The following TIGD4 variants were observed in gnomAD, a reference collection of about 807,000 sequenced individuals.
TIGD4 encodes tigger transposable element-derived protein 4.
A neutral mutation model predicts 24.9 loss-of-function variants in TIGD4; 20 were observed. The ratio of observed to expected loss-of-function variants is 0.80; its 90% CI spans 0.56 to 1.17. TIGD4 has a LOEUF of 1.17. Among genes scored for constraint, TIGD4 ranks in the 50% most tolerant of loss-of-function variants. The pLI, the probability that TIGD4 is intolerant of heterozygous loss-of-function variation, is 0.00. For missense variants in TIGD4, 566 were observed against 591.0 expected (o/e 0.96, Z 0.44); for synonymous variants, 193 against 211.0 (o/e 0.91, Z 0.74).
chr4:152,772,346 TA>T (rs796536772), intron 1 of TIGD4, among the ~76,000 whole-genome samples: 4,294 of 144,444 alleles, frequency 0.03, 161 homozygotes, highest in African/African-American at 0.075. Flanking sequence ...TTTCTATCTG[TA>T]AAAAAAAAAA....
intron 1 of TIGD4, among the ~76,000 whole-genome samples, chr4:152,775,645 C>T (rs372471047): frequency 1.1e-4 from 16 of 152,206 alleles, no homozygotes; most frequent in African/African-American, 3.9e-4. Flanking sequence ...AACATTCCTC[C>T]TGTAGAGTCT....
chr4:152,770,460 A>G lies in TIGD4; in HGVS notation c.545T>C (p.Ile182Thr). ...TCGATAAAGCAGCCCAGTCTCTTTT[A>G]TATTAAAAACATTTTTAGGATGATA... ...NDYHPKNVFN[I>T]KETGLLYRML... The change falls in exon 2 of 2, where the codon ATA becomes ACA. Residue 182 changes from isoleucine (I) to threonine (T), a missense_variant. Ile to Thr is a moderately conservative substitution (Grantham distance 89). Coordinates refer to ENST00000304337, the MANE Select transcript of TIGD4 (RefSeq NM_145720.4). 6.2e-7 allele frequency: 1 copy of G among 1,608,692 alleles called. No homozygotes were observed. The highest frequency in any genetic ancestry group is 8.5e-7 in the Non-Finnish European group (1 of 1,178,446).
At chr4:152,773,940 C>T (rs910492928) in intron 1 of TIGD4, among the ~76,000 whole-genome samples, 12 of 152,038 alleles carry the variant, frequency 7.9e-5, no homozygotes, top group African/African-American at 2.7e-4. Flanking sequence ...TTTTCAAAGA[C>T]AAAACCAACC....
Position 152,771,544 on chromosome 4 carries a change from T to G in TIGD4, c.-538-2A>C, listed in dbSNP as rs990525482. 4 of 164,624 alleles carry G rather than the reference T, an allele frequency of 2.4e-5. No individual in the cohort carries two copies. Among genetic ancestry groups the G allele is most frequent in the African/African-American group, 9.6e-5 (4 of 41,456 alleles). 10.2% of individuals were successfully genotyped at this position (164,624 alleles called of 1,614,324 possible). A position where few individuals can be genotyped will look rare whatever the true frequency, so the allele number is the denominator to read the frequency against. On this transcript the variant is annotated splice_acceptor_variant, in intron 1 of 1. Transcript: ENST00000304337. LOFTEE classifies it low-confidence loss of function (5UTR_SPLICE). ...TAGAACTTGCCAGTATATCTTCTTCTGTTGTTTGAAAAATTAAAAAAAAAG... is the reference window on the plus strand; with the variant it reads ...TAGAACTTGCCAGTATATCTTCTTCGGTTGTTTGAAAAATTAAAAAAAAAG...
chr4:152,770,681 C>T lies in TIGD4; in HGVS notation c.324G>A (p.Pro108=), dbSNP rs763662632. 1.9e-5 allele frequency: 30 copies of T among 1,612,190 alleles called. 1 individual carries two copies. Among genetic ancestry groups the T allele is most frequent in the East Asian group, 1.6e-4 (7 of 44,874 alleles). The change falls in exon 2 of 2, where the codon CCG becomes CCA. Residue 108 remains proline, a synonymous_variant. Transcript: ENST00000304337. ...AATCATTAGCTTTTAGACGTAACATCGGACCATTAACTGGTACATTTAGAC... is the reference window on the plus strand; with the variant it reads ...AATCATTAGCTTTTAGACGTAACATTGGACCATTAACTGGTACATTTAGAC... ...AQCLNVPVNG[P]MLRLKANDFA...
Position 152,769,553 on chromosome 4 carries a change from T to G in TIGD4, c.1452A>C (p.Lys484Asn). ...EAITALDTLK[K>N]FLRSQDMNDG... The stretch of plus-strand genomic sequence containing the variant: ...CATTCATATCTTGACTTCTGAGAAA[T>G]TTTTTCAGAGTATCTAAAGCAGTTA... The change falls in exon 2 of 2, where the codon AAA (lysine) becomes AAC (asparagine). Residue 484 changes from lysine to asparagine, a missense_variant. Transcript: ENST00000304337. 6.2e-7 allele frequency: 1 copy of G among 1,605,214 alleles called. No homozygotes were observed. Among genetic ancestry groups the G allele is most frequent in the African/African-American group, 1.3e-5 (1 of 74,582 alleles).
At position 152,769,363 on chromosome 4, in the gene TIGD4, T is replaced by C; in HGVS notation, c.*103A>G. ...GCAATTAAACCAAGGATTAGCAGTT[T>C]TCCATTTTTTATGTTTAAGTGGTGT... On this transcript the variant is annotated 3_prime_UTR_variant, in exon 2 of 2. Transcript: ENST00000304337. 1 of 792,772 alleles carries C rather than the reference T, an allele frequency of 1.3e-6. No homozygotes were observed. The highest frequency in any genetic ancestry group is 4.3e-5 in the South Asian group (1 of 23,434). 49.1% of individuals were successfully genotyped at this position (792,772 alleles called of 1,614,324 possible).
intron 1 of TIGD4, among the ~76,000 whole-genome samples, chr4:152,779,233 AAAAG>A (rs977859356): frequency 4.6e-5 from 7 of 152,348 alleles, no homozygotes; most frequent in South Asian, 2.1e-4. Context: ...GTCATCCGGA[AAAAG>A]AAAGAGGAGC....
At chr4:152,776,409 A>G (rs1360334057) in intron 1 of TIGD4, among the ~76,000 whole-genome samples, 1 of 152,194 alleles carries the variant, frequency 6.6e-6, no homozygotes, top group Admixed American at 6.5e-5. Flanking sequence ...CAGTCATCTT[A>G]GAATAATGTT....
intron 1 of TIGD4, among the ~76,000 whole-genome samples, chr4:152,773,392 G>A (rs192182736): frequency 6.6e-6 from 1 of 152,058 alleles, no homozygotes; most frequent in Non-Finnish European, 1.5e-5. Flanking sequence ...GATAGCCCAG[G>A]GTTTTAGTTT....
chr4:152,774,693 T>C (rs1185184296), intron 1 of TIGD4, among the ~76,000 whole-genome samples: 2 of 152,114 alleles, frequency 1.3e-5, no homozygotes, highest in Non-Finnish European at 2.9e-5. Flanking sequence ...AAGAAAACAA[T>C]GGTCAATCCT....
In TIGD4 at chr4:152,769,665, T is replaced by C; in HGVS notation, c.1340A>G (p.Asp447Gly). The change falls in exon 2 of 2, where the codon GAT becomes GGT. Residue 447 changes from aspartate (D) to glycine (G), a missense_variant. Asp to Gly is a moderately conservative substitution (Grantham distance 94). Transcript: ENST00000304337. ...ATCAGAAGTGTAAAATCCAGTTTCA[T>C]CCGATTTACTTTCTTTGGTGCATAT... ...DSICTKESKS[D>G]ETGFYTSDEE... The C allele has an allele frequency of 6.2e-7, 1 of 1,613,266 alleles. No homozygotes were observed. The highest frequency in any genetic ancestry group is 8.5e-7 in the Non-Finnish European group (1 of 1,179,624).
Position 152,769,778 on chromosome 4 carries a change from T to C in TIGD4, c.1227A>G (p.Val409=). 6.2e-7 allele frequency: 1 copy of C among 1,613,592 alleles called. No individual in the cohort carries two copies. Among genetic ancestry groups the C allele is most frequent in the South Asian group, 1.1e-5 (1 of 91,074 alleles). Residue 409 remains valine (V), a synonymous_variant, in exon 2 of 2, where the codon GTA becomes GTG. Transcript: ENST00000304337. ...DLVADALGAG[V]EFPEGLSIEE... ...CTATAGATAAACCTTCAGGAAATTC[T>C]ACTCCTGCCCCCAGAGCATCAGCAA...
chr4:152,775,886 T>C (rs1001465068), intron 1 of TIGD4, among the ~76,000 whole-genome samples: 1 of 152,236 alleles, frequency 6.6e-6, no homozygotes, highest in Admixed American at 6.5e-5. Flanking sequence ...GAGGGAATTA[T>C]ACAAGGTAAG....
rs768063642 is a variant in TIGD4, at chr4:152,769,779, A to C, written c.1226T>G (p.Val409Gly). ...TATAGATAAACCTTCAGGAAATTCT[A>C]CTCCTGCCCCCAGAGCATCAGCAAC... is the stretch of plus-strand genomic sequence containing the variant. ...DLVADALGAG[V>G]EFPEGLSIEE... The change falls in exon 2 of 2, where the codon GTA becomes GGA. Residue 409 changes from valine to glycine, a missense_variant. Physicochemically the swap from Val to Gly is moderately radical, Grantham distance 109. Transcript: ENST00000304337. 6.2e-7 allele frequency: 1 copy of C among 1,613,446 alleles called. No individual in the cohort carries two copies. Among genetic ancestry groups the C allele is most frequent in the South Asian group, 1.1e-5 (1 of 91,058 alleles).
At chr4:152,773,642 T>TAAAAAA (rs71598212) in intron 1 of TIGD4, among the ~76,000 whole-genome samples, 5 of 82,130 alleles carry the variant, frequency 6.1e-5, no homozygotes, top group African/African-American at 1.1e-4. Context: ...TCCAATGCCT[T>TAAAAAA]AAAAAAAAAA....
In TIGD4 at chr4:152,770,926, T is replaced by C; in HGVS notation, c.79A>G (p.Ile27Val). The C allele has an allele frequency of 6.2e-7, 1 of 1,613,986 alleles. No individual in the cohort carries two copies. The highest frequency in any genetic ancestry group is 8.5e-7 in the Non-Finnish European group (1 of 1,179,932). ...KKKSLSIEEK[I>V]DIINAVESGK... ...CTTTCCACTGCATTTATGATGTCGA[T>C]CTTTTCCTCAATGGATAGGCTTTTC... Residue 27 changes from isoleucine (I) to valine (V), a missense_variant, in exon 2 of 2, where the codon ATC (isoleucine) becomes GTC (valine). Coordinates refer to ENST00000304337, the MANE Select transcript of TIGD4 (RefSeq NM_145720.4).
intron 1 of TIGD4, among the ~76,000 whole-genome samples, chr4:152,777,462 A>C (rs1730277256): frequency 6.6e-6 from 1 of 152,150 alleles, no homozygotes; most frequent in Admixed American, 6.5e-5. Flanking sequence ...TATTCTAAAC[A>C]AAATGAGCAG....
intron 1 of TIGD4, among the ~76,000 whole-genome samples, chr4:152,775,891 GGTAA>G (rs1172090617): frequency 6.6e-6 from 1 of 152,170 alleles, no homozygotes; most frequent in Non-Finnish European, 1.5e-5. Context: ...AATTATACAA[GGTAA>G]GTGTCACTGG....
Sources: allele counts gnomAD v4.1 joint callset (sites outside exome capture counted in the v4.1 genomes callset), GRCh38; gene constraint gnomAD v4.1.1; transcripts MANE v1.5; gene names NCBI Gene and HGNC (gene_info 2026-07-23, HGNC 2026-07-21).